The following NPHP4 variants were observed in gnomAD, a reference collection of about 807,000 sequenced individuals.
NPHP4 encodes the protein nephrocystin 4, also known as nephrocystin-4.
NPHP4 carries 151 observed loss-of-function variants against 155.8 expected under a neutral mutation model. The ratio of observed to expected loss-of-function variants is 0.97; its 90% confidence interval spans 0.85 to 1.11. NPHP4 has a LOEUF of 1.11. NPHP4 is among the 50% of genes least tolerant of loss of function. NPHP4 has a pLI of 0.00. For synonymous variants in NPHP4, 845 were observed against 816.8 expected (o/e 1.03, Z -0.59); for missense variants, 1,956 against 1,925.7 (o/e 1.02, Z -0.29).
chr1:5,873,208 C>A (rs764004428), intron 23 of NPHP4, 44 bp downstream of exon 23: 2 of 1,517,950 alleles, frequency 1.3e-6, no homozygotes, highest in Non-Finnish European at 1.8e-6. Context: ...CCTGGGAATA[C>A]CCAGGAAGCC....
At chr1:5,933,820 T>C (rs1442902523) in intron 9 of NPHP4, among the ~76,000 whole-genome samples, 1 of 152,182 alleles carries the variant, frequency 6.6e-6, no homozygotes, top group Non-Finnish European at 1.5e-5. Context: ...TAGCACACAT[T>C]TTCTCCACAA....
At chr1:5,897,750 C>CA (rs917982243) in intron 16 of NPHP4, among the ~76,000 whole-genome samples, 37 of 151,906 alleles carry the variant, frequency 2.4e-4, no homozygotes, top group African/African-American at 8.7e-4. Flanking sequence ...ACATGGGGGA[C>CA]AAATGGGGAA....
At chr1:5,938,404 A>G (rs1466923) in intron 9 of NPHP4, among the ~76,000 whole-genome samples, 92,923 of 152,054 alleles carry the variant, frequency 0.61, 28,514 homozygotes, top group East Asian at 0.83. Flanking sequence ...TCACAACAGC[A>G]GCACAGCCAC....
At chr1:5,920,028 G>A (rs1645661748) in intron 11 of NPHP4, among the ~76,000 whole-genome samples, 2 of 152,126 alleles carry the variant, frequency 1.3e-5, no homozygotes, top group Admixed American at 6.5e-5. Context: ...TGACTCCCAG[G>A]TTCAAGAGAT....
rs1172201896 is a variant in NPHP4, at chr1:5,964,936, TA to T, written c.517+2362del. Among the ~76,000 whole-genome samples the T allele has an allele frequency of 4.4e-4, 23 of 52,358 alleles. 1 individual carries two copies. Among genetic ancestry groups the T allele is most frequent in the East Asian group, 9.6e-4 (2 of 2,078 alleles). The allele number at this position is 52,358 out of a possible 152,430, so 34.3% of individuals were successfully genotyped here. A position where few individuals can be genotyped will look rare whatever the true frequency, so the allele number is the denominator to read the frequency against. On this transcript the variant is annotated intron_variant, in intron 5 of 29. Coordinates refer to ENST00000378156, the MANE Select transcript of NPHP4 (RefSeq NM_015102.5). ...TATATATTATATATATATATATATA[TA>T]TATATTTTTTTTTTTTGAGGCAGGG... is the stretch of plus-strand genomic sequence containing the variant.
At chr1:5,946,932 C>T (rs1647131113) in intron 9 of NPHP4, among the ~76,000 whole-genome samples, 172 bp downstream of exon 9, 1 of 152,248 alleles carries the variant, frequency 6.6e-6, no homozygotes, top group Non-Finnish European at 1.5e-5. Flanking sequence ...CATCTGTATC[C>T]TTTGTAACAT....
At chr1:5,922,303 G>C (rs977357344) in intron 11 of NPHP4, among the ~76,000 whole-genome samples, 1 of 152,222 alleles carries the variant, frequency 6.6e-6, no homozygotes, top group African/African-American at 2.4e-5. Context: ...AGAATTTTAG[G>C]ATAATAAGCT....
chr1:5,951,627 G>A (rs539205645), intron 7 of NPHP4, among the ~76,000 whole-genome samples: 6 of 152,322 alleles, frequency 3.9e-5, no homozygotes, highest in African/African-American at 7.2e-5. Context: ...TGCTGCTGGC[G>A]ACAGAAGAGC....
chr1:5,894,127 T>C (rs1270219887), intron 16 of NPHP4, among the ~76,000 whole-genome samples: 1 of 152,246 alleles, frequency 6.6e-6, no homozygotes, highest in Non-Finnish European at 1.5e-5. Flanking sequence ...ACAGCTCATG[T>C]CCTCGTTCTC....
intron 18 of NPHP4, chr1:5,881,599 G>A (rs905944920): frequency 2.0e-5 from 3 of 152,222 alleles, no homozygotes; most frequent in African/African-American, 7.2e-5. Context: ...GTGGTAGAGA[G>A]AGGCTAGATT....
chr1:5,888,991 C>T (rs953181161), intron 17 of NPHP4, among the ~76,000 whole-genome samples: 5 of 152,228 alleles, frequency 3.3e-5, no homozygotes, highest in African/African-American at 1.2e-4. Context: ...CCCTGGGCCT[C>T]TGTTTTCTCC....
At position 5,961,709 on chromosome 1, in the gene NPHP4, C is replaced by A. The variant is rs907612314; in HGVS notation, c.673+85G>T. ...AGGGGCGCTCGGCCCACGCTGCCCCCAGAAGAGCCCAGTGCCTTCAAGGTT... is the reference window on the plus strand; with the variant it reads ...AGGGGCGCTCGGCCCACGCTGCCCCAAGAAGAGCCCAGTGCCTTCAAGGTT... On this transcript the variant is annotated intron_variant, in intron 6 of 29. Transcript: ENST00000378156. 6.5e-6 allele frequency: 9 copies of A among 1,378,346 alleles called. No individual in the cohort carries two copies. The African/African-American group carries it at 7.2e-5, about 11-fold the overall frequency. The allele number at this position is 1,378,346 out of a possible 1,614,324, so 85.4% of individuals were successfully genotyped here.
rs564623203 is a variant in NPHP4 at position 5,972,551 on chromosome 1, C to G, written c.280-3292G>C. On this transcript the variant is annotated intron_variant, in intron 3 of 29. Coordinates refer to ENST00000378156, the MANE Select transcript of NPHP4 (RefSeq NM_015102.5). The stretch of plus-strand genomic sequence containing the variant: ...CTGCACTTCCAGCTCCTAAACACAG[C>G]CTGGCACACAGAAGACCCTTAACCA... Among the ~76,000 whole-genome samples the G allele has an allele frequency of 1.2e-4, 18 of 152,308 alleles. No individual in the cohort carries two copies. The East Asian group carries it at 3.3e-3, about 28-fold the overall frequency.
At chr1:5,972,470 G>A (rs1050205472) in intron 3 of NPHP4, among the ~76,000 whole-genome samples, 1 of 152,210 alleles carries the variant, frequency 6.6e-6, no homozygotes, top group Non-Finnish European at 1.5e-5. Flanking sequence ...CTCATTTGGA[G>A]TAAAAATGTA....
chr1:5,916,608 C>T (rs553284306), intron 11 of NPHP4, among the ~76,000 whole-genome samples: 10 of 152,364 alleles, frequency 6.6e-5, no homozygotes, highest in African/African-American at 2.4e-4. Context: ...CACCGTTCAA[C>T]TCCTGGTCCT....
At chr1:5,987,859 G>A (rs1345597479) in intron 1 of NPHP4, among the ~76,000 whole-genome samples, 2 of 152,180 alleles carry the variant, frequency 1.3e-5, no homozygotes, top group Non-Finnish European at 2.9e-5. Flanking sequence ...AACAAAGTTA[G>A]CATGTCACTT....
At chr1:5,870,734 T>C (rs1641912634) in intron 23 of NPHP4, among the ~76,000 whole-genome samples, 1 of 152,236 alleles carries the variant, frequency 6.6e-6, no homozygotes, top group African/African-American at 2.4e-5. Context: ...ATGATGTTCG[T>C]AGAGGACACG....
chr1:5,876,052 C>G (rs1642567006), intron 20 of NPHP4: 1 of 152,316 alleles, frequency 6.6e-6, no homozygotes, highest in South Asian at 2.1e-4. Flanking sequence ...CAGAGCTTTT[C>G]AGGAGTGGAA....
chr1:5,978,295 G>T lies in NPHP4; in HGVS notation c.254C>A (p.Pro85Gln). 1.2e-6 allele frequency: 2 copies of T among 1,608,170 alleles called. No individual in the cohort carries two copies. Among genetic ancestry groups the T allele is most frequent in the South Asian group, 1.1e-5 (1 of 90,070 alleles). ...WKTTVKPTKR[P>Q]PSRIVFNEPL... ...CTCATTAAAGACGATCCTGGACGGC[G>T]GTCTCTTCGTCGGCTTCACTGTGGT... Residue 85 changes from proline to glutamine, a missense_variant, in exon 3 of 30, where the codon CCG (proline) becomes CAG (glutamine). By Grantham distance (76) the Pro-to-Gln change is moderately conservative. Coordinates refer to ENST00000378156, the MANE Select transcript of NPHP4 (RefSeq NM_015102.5).
Sources: allele counts gnomAD v4.1 joint callset (sites outside exome capture counted in the v4.1 genomes callset), GRCh38; gene constraint gnomAD v4.1.1; transcripts MANE v1.5; gene names NCBI Gene and HGNC (gene_info 2026-07-23, HGNC 2026-07-21).